SNTG1: variants seen among roughly 807,000 people sequenced by gnomAD.
The protein encoded by SNTG1 is syntrophin gamma 1, also known as gamma-1-syntrophin.
In SNTG1, 39 loss-of-function variants were observed where a neutral mutation model predicts 74.7. That is an observed-to-expected ratio of 0.52 (90% confidence interval 0.40 to 0.68). SNTG1 has a LOEUF of 0.68. Ranked by LOEUF, SNTG1 falls within the 30% of genes least tolerant of loss-of-function variation. The probability of loss-of-function intolerance (pLI) is 0.00; values close to 1 mark genes in which losing one functional copy is unlikely to be tolerated. For synonymous variants in SNTG1, 254 were observed against 217.1 expected, an observed-to-expected ratio of 1.17 and a Z score of -1.49; for missense variants, 685 against 609.5, an observed-to-expected ratio of 1.12 and a Z score of -1.30.
chr8:50,520,427 CA>C (rs1247847698), intron 9 of SNTG1, among the ~76,000 whole-genome samples: 2 of 152,006 alleles, frequency 1.3e-5, no homozygotes, highest in Non-Finnish European at 2.9e-5. Context: ...CAACAAAAGC[CA>C]AAATTGACAA....
intron 17 of SNTG1, among the ~76,000 whole-genome samples, chr8:50,716,136 A>G (rs1255577117): frequency 6.6e-6 from 1 of 152,176 alleles, no homozygotes; most frequent in East Asian, 1.9e-4. Flanking sequence ...GGCTTTTTAT[A>G]TAAAGCATTT....
chr8:50,422,923 C>T (rs371788321), intron 4 of SNTG1, among the ~76,000 whole-genome samples: 1 of 152,052 alleles, frequency 6.6e-6, no homozygotes, highest in African/African-American at 2.4e-5. Flanking sequence ...TAAACTATAA[C>T]CTAAATAGCT....
At chr8:50,220,432 C>T (rs918600685) in intron 2 of SNTG1, among the ~76,000 whole-genome samples, 1 of 152,060 alleles carries the variant, frequency 6.6e-6, no homozygotes, top group African/African-American at 2.4e-5. Context: ...CAAAACTATG[C>T]AGCTTTGTAA....
chr8:50,493,262 T>C (rs1434488993), intron 8 of SNTG1, among the ~76,000 whole-genome samples: 1 of 152,166 alleles, frequency 6.6e-6, no homozygotes, highest in African/African-American at 2.4e-5. Context: ...ATATATTCTG[T>C]ACAGAGGAAG....
chr8:50,365,729 G>A lies in SNTG1; in HGVS notation c.-27-28483G>A, dbSNP rs1049450122. The stretch of plus-strand genomic sequence containing the variant: ...TATTACAATAGACTGATTATTTTAT[G>A]GTATCTTCTTAATTATAAGTGTTGA... On this transcript the variant is annotated intron_variant, in intron 2 of 18. Transcript: ENST00000642720. Among the ~76,000 whole-genome samples the A allele has an allele frequency of 6.6e-5, 10 of 151,930 alleles. No individual in the cohort carries two copies. In the East Asian group the frequency reaches 1.9e-3, roughly 29 times the overall value.
chr8:50,133,554 A>G (rs1250806901), intron 1 of SNTG1, among the ~76,000 whole-genome samples: 3 of 152,136 alleles, frequency 2.0e-5, no homozygotes, highest in Non-Finnish European at 4.4e-5. Flanking sequence ...CTAGAAATCT[A>G]ACATCAGGGA....
intron 2 of SNTG1, among the ~76,000 whole-genome samples, chr8:50,214,164 A>T (rs1024885656): frequency 1.5e-4 from 23 of 150,328 alleles, no homozygotes; most frequent in Non-Finnish European, 2.8e-4. Context: ...AAGAACAAAA[A>T]ACCAAACACC....
chr8:50,154,803 C>T (rs1014159820), intron 1 of SNTG1, among the ~76,000 whole-genome samples: 5 of 152,048 alleles, frequency 3.3e-5, no homozygotes, highest in African/African-American at 1.2e-4. Context: ...ACCAAGAAAA[C>T]ATGATGACTA....
intron 17 of SNTG1, among the ~76,000 whole-genome samples, chr8:50,737,677 G>A (rs183560197): frequency 2.6e-5 from 4 of 152,036 alleles, no homozygotes; most frequent in Middle Eastern, 3.4e-3. Flanking sequence ...ATGGGCAAAC[G>A]AAATCCAGCA....
At chr8:50,666,027 C>G (rs971866561) in intron 15 of SNTG1, among the ~76,000 whole-genome samples, 1 of 152,064 alleles carries the variant, frequency 6.6e-6, no homozygotes, top group Non-Finnish European at 1.5e-5. Context: ...GGGAGACAGA[C>G]TATAATAATT....
intron 13 of SNTG1, among the ~76,000 whole-genome samples, chr8:50,622,996 T>C (rs532139696): frequency 1.2e-4 from 19 of 152,268 alleles, no homozygotes; most frequent in African/African-American, 4.3e-4. Context: ...GAAATGCGAC[T>C]GACTTTTATG....
At chr8:50,485,109 T>G (rs1054057056) in intron 8 of SNTG1, among the ~76,000 whole-genome samples, 1 of 152,154 alleles carries the variant, frequency 6.6e-6, no homozygotes, top group Non-Finnish European at 1.5e-5. Flanking sequence ...AATGGAAACT[T>G]TGCTCATTTG....
intron 1 of SNTG1, among the ~76,000 whole-genome samples, chr8:50,106,540 G>A (rs2080379946): frequency 6.6e-6 from 1 of 152,138 alleles, no homozygotes; most frequent in South Asian, 2.1e-4. Context: ...GATGTTGACT[G>A]CAGATTTGTC....
intron 2 of SNTG1, 79 bp from the exon 3 acceptor site, chr8:50,394,133 C>T (rs1291373461): frequency 7.1e-6 from 8 of 1,132,302 alleles, no homozygotes; most frequent in Middle Eastern, 2.0e-4. Flanking sequence ...TTCTGCTTCA[C>T]GATTTCCTCC....
At chr8:50,750,203 C>A (rs2095564196) in intron 17 of SNTG1, among the ~76,000 whole-genome samples, 1 of 151,854 alleles carries the variant, frequency 6.6e-6, no homozygotes, top group African/African-American at 2.4e-5. Context: ...AATGCAAATG[C>A]CATGGAAATA....
At chr8:50,340,678 G>T (rs2091290328) in intron 2 of SNTG1, among the ~76,000 whole-genome samples, 1 of 151,786 alleles carries the variant, frequency 6.6e-6, no homozygotes. Context: ...ATGAGTTTAT[G>T]GATACAATAC....
intron 1 of SNTG1, among the ~76,000 whole-genome samples, chr8:50,029,039 TAA>T (rs1397389791): frequency 6.6e-6 from 1 of 152,154 alleles, no homozygotes; most frequent in Non-Finnish European, 1.5e-5. Context: ...GTGGCAGATA[TAA>T]GATTTGAATT....
intron 11 of SNTG1, among the ~76,000 whole-genome samples, chr8:50,544,444 C>T (rs1045335873): frequency 6.6e-5 from 10 of 151,656 alleles, no homozygotes; most frequent in Non-Finnish European, 1.5e-4. Context: ...GTTCTATTTT[C>T]CTTCTACCTT....
At chr8:50,036,006 C>T (rs1370833576) in intron 1 of SNTG1, among the ~76,000 whole-genome samples, 3 of 152,106 alleles carry the variant, frequency 2.0e-5, no homozygotes, top group Admixed American at 6.6e-5. Context: ...GGAATCAATC[C>T]TGCAAAATTA....
Sources: gnomAD v4.1 joint callset for allele counts (sites outside exome capture counted in the v4.1 genomes callset) on GRCh38, gnomAD v4.1.1 for gene constraint, MANE v1.5 for transcripts, NCBI Gene and HGNC (gene_info 2026-07-23, HGNC 2026-07-21) for gene names.